BPIFB1: variants seen among roughly 807,000 people sequenced by gnomAD.
BPIFB1 encodes the protein BPI fold-containing family B member 1.
A neutral mutation model predicts 55.1 loss-of-function variants in BPIFB1; 34 were observed. The ratio of observed to expected loss-of-function variants is 0.62; its 90% confidence interval spans 0.47 to 0.82. The LOEUF (loss-of-function observed/expected upper bound fraction) is 0.82. BPIFB1 is among the 40% of genes least tolerant of loss of function. The probability of loss-of-function intolerance (pLI) is 0.00; values close to 1 mark genes in which losing one functional copy is unlikely to be tolerated. For missense variants in BPIFB1, 532 were observed against 593.1 expected (o/e 0.90, Z 1.07); for synonymous variants, 236 against 245.3 (o/e 0.96, Z 0.35).
rs765386423 is a variant in BPIFB1, at chr20:33,301,293, C to T, written c.808C>T (p.Leu270=). 1.1e-5 allele frequency: 17 copies of T among 1,614,212 alleles called. No homozygotes were observed. Among genetic ancestry groups the T allele is most frequent in the Non-Finnish European group, 1.4e-5 (17 of 1,180,036 alleles). The change falls in exon 9 of 16, where the codon CTG becomes TTG. Residue 270 remains leucine, a synonymous_variant. Coordinates refer to ENST00000253354, the MANE Select transcript of BPIFB1 (RefSeq NM_033197.3). ...TKWFNNSAAS[L]TMPTLDNIPF... ...GTGGTTCAATAACTCTGCAGCTTCCCTGACAATGCCCACCCTGGACAACAT... is the reference window on the plus strand; with the variant it reads ...GTGGTTCAATAACTCTGCAGCTTCCTTGACAATGCCCACCCTGGACAACAT...
At chr20:33,303,113 G>T (rs1568653533) in intron 11 of BPIFB1, 39 bp downstream of exon 11, 1 of 1,608,574 alleles carries the variant, frequency 6.2e-7, no homozygotes, top group Non-Finnish European at 8.5e-7. Context: ...GCAACCAGGG[G>T]GACCCTTCTG....
intron 11 of BPIFB1, 144 bp downstream of exon 11, chr20:33,303,218 C>A: frequency 9.6e-7 from 1 of 1,041,706 alleles, no homozygotes; most frequent in Non-Finnish European, 1.4e-6. Flanking sequence ...GAACCAAGAG[C>A]CAGGAGCTTT....
chr20:33,302,337 C>T (rs1330990486), intron 9 of BPIFB1, 22 bp from the exon 10 acceptor site: 1 of 1,613,856 alleles, frequency 6.2e-7, no homozygotes, highest in Non-Finnish European at 8.5e-7. Flanking sequence ...AACTGACCTT[C>T]TCTGGCTCCT....
intron 6 of BPIFB1, 95 bp downstream of exon 6, chr20:33,292,083 C>A: frequency 8.7e-7 from 1 of 1,145,404 alleles, no homozygotes; most frequent in Non-Finnish European, 1.3e-6. Context: ...CTGGAGTCTC[C>A]TTGGGTGGGT....
rs756570457 is a variant in BPIFB1 at position 33,298,412 on chromosome 20, C to A, written c.661+824C>A. Among the ~76,000 whole-genome samples, 66 of 152,246 alleles carry A rather than the reference C, an allele frequency of 4.3e-4. 1 individual carries two copies. The highest frequency in any genetic ancestry group is 7.5e-4 in the Non-Finnish European group (51 of 68,022). ...CTCAGGCCCCCAGAGTGGAAACTGG[C>A]GGAGAAGAAGAAAAGTCTACCAACT... On this transcript the variant is annotated intron_variant, in intron 7 of 15. Coordinates refer to ENST00000253354, the MANE Select transcript of BPIFB1 (RefSeq NM_033197.3).
At chr20:33,300,506 T>C (rs779032984) in intron 8 of BPIFB1, among the ~76,000 whole-genome samples, 6 of 152,226 alleles carry the variant, frequency 3.9e-5, no homozygotes, top group Non-Finnish European at 5.9e-5. Flanking sequence ...CCCTGTCCAA[T>C]GTGGAGCTGC....
At chr20:33,298,996 A>C in intron 7 of BPIFB1, 1 of 186,012 alleles carries the variant, frequency 5.4e-6, no homozygotes, top group Non-Finnish European at 1.0e-5. Flanking sequence ...TTTTTTGGAG[A>C]CGGACCTTTT....
chr20:33,292,390 T>C (rs1218630500), intron 6 of BPIFB1, among the ~76,000 whole-genome samples: 1 of 152,194 alleles, frequency 6.6e-6, no homozygotes. Context: ...TAGCACACGA[T>C]TGTATATTTC....
intron 10 of BPIFB1, 80 bp from the exon 11 acceptor site, chr20:33,302,836 G>T: frequency 6.5e-7 from 1 of 1,532,736 alleles, no homozygotes. Context: ...AGGAAGGCAG[G>T]CAGGGGCCAG....
intron 12 of BPIFB1, among the ~76,000 whole-genome samples, chr20:33,304,587 CT>C (rs1423099999): frequency 1.3e-5 from 2 of 152,174 alleles, no homozygotes; most frequent in Non-Finnish European, 1.5e-5. Flanking sequence ...CTTGGGCCTC[CT>C]TGTCCACCAC....
At chr20:33,308,981 A>C (rs1981145090) in intron 15 of BPIFB1, among the ~76,000 whole-genome samples, 1 of 151,794 alleles carries the variant, frequency 6.6e-6, no homozygotes, top group Admixed American at 6.6e-5. Flanking sequence ...ACACACACAC[A>C]CACACACCAT....
chr20:33,299,921 C>A lies in BPIFB1; in HGVS notation c.684C>A (p.Asp228Glu). ...CAGTGCCCATTTCCCTCAGCATTGA[C>A]CGTCTGGAGTTTGACCTTCTGTATC... The part of the protein sequence containing the change: ...LVKVPISLSI[D>E]RLEFDLLYPA... The change falls in exon 8 of 16, where the codon GAC (aspartate) becomes GAA (glutamate). Residue 228 changes from aspartate (D) to glutamate (E), a missense_variant. Physicochemically the swap from Asp to Glu is conservative, Grantham distance 45. Transcript: ENST00000253354. The A allele has an allele frequency of 1.2e-6, 2 of 1,614,086 alleles. No homozygotes were observed. The highest frequency in any genetic ancestry group is 1.7e-6 in the Non-Finnish European group (2 of 1,179,998).
chr20:33,301,688 G>C (rs1946788889), intron 9 of BPIFB1, among the ~76,000 whole-genome samples: 1 of 152,218 alleles, frequency 6.6e-6, no homozygotes, highest in Admixed American at 6.5e-5. Flanking sequence ...TCTTAGATAT[G>C]CAGTAGTCCA....
At chr20:33,306,614 C>T (rs138635931) in intron 14 of BPIFB1, 8 of 396,220 alleles carry the variant, frequency 2.0e-5, no homozygotes, top group African/African-American at 1.4e-4. Flanking sequence ...CTGGAAAAAT[C>T]TCAAAGTATA....
intron 6 of BPIFB1, among the ~76,000 whole-genome samples, chr20:33,295,650 AAGAAAGAAAGAG>A (rs1477577550): frequency 1.3e-5 from 2 of 150,296 alleles, no homozygotes; most frequent in African/African-American, 2.5e-5. Flanking sequence ...GAGAAGAAGA[AAGAAAGAAAGAG>A]AGAAAGAAAG....
intron 9 of BPIFB1, among the ~76,000 whole-genome samples, chr20:33,301,713 A>G (rs778679714): frequency 4.6e-5 from 7 of 152,234 alleles, no homozygotes; most frequent in Non-Finnish European, 1.0e-4. Flanking sequence ...TGATAAATAC[A>G]TCTCAGATAG....
chr20:33,302,444 G>T, intron 10 of BPIFB1, 32 bp downstream of exon 10: 1 of 1,612,650 alleles, frequency 6.2e-7, no homozygotes, highest in Non-Finnish European at 8.5e-7. Context: ...AGCTTGAGGG[G>T]TGTTTGCTGT....
intron 7 of BPIFB1, 97 bp from the exon 8 acceptor site, chr20:33,299,802 C>G (rs967368045): frequency 2.3e-6 from 2 of 866,058 alleles, no homozygotes; most frequent in Admixed American, 3.6e-5. Context: ...CCTGCCCCCC[C>G]ATGCAACAGT....
chr20:33,295,934 A>C (rs1288449722), intron 6 of BPIFB1, among the ~76,000 whole-genome samples: 1 of 127,450 alleles, frequency 7.8e-6, no homozygotes, highest in African/African-American at 2.9e-5. Flanking sequence ...GAAGGAAGGA[A>C]GGACGGAAAA....
Sources: gnomAD v4.1 joint callset for allele counts (sites outside exome capture counted in the v4.1 genomes callset) on GRCh38, gnomAD v4.1.1 for gene constraint, MANE v1.5 for transcripts, NCBI Gene and HGNC (gene_info 2026-07-23, HGNC 2026-07-21) for gene names.